The following OSBPL10 variants were observed in gnomAD, a reference collection of about 807,000 sequenced individuals.
The protein encoded by OSBPL10 is oxysterol-binding protein-related protein 10.
OSBPL10 carries 49 observed loss-of-function variants against 81.7 expected under a neutral mutation model. That is an observed-to-expected ratio of 0.60 (90% CI 0.48 to 0.76). OSBPL10 has a LOEUF of 0.76. Among genes scored for constraint, OSBPL10 ranks in the 30% least tolerant of loss-of-function variants. OSBPL10 has a pLI of 0.00. For missense variants in OSBPL10, 923 were observed against 987.8 expected, an observed-to-expected ratio of 0.93 and a Z score of 0.88; for synonymous variants, 419 against 383.6, an observed-to-expected ratio of 1.09 and a Z score of -1.08.
intron 1 of OSBPL10, among the ~76,000 whole-genome samples, chr3:31,895,801 TG>T (rs975009489): frequency 6.6e-6 from 1 of 152,188 alleles, no homozygotes; most frequent in African/African-American, 2.4e-5. Flanking sequence ...AAAATTTACA[TG>T]AATGGGCAAG....
intron 4 of OSBPL10, among the ~76,000 whole-genome samples, chr3:31,799,499 A>G (rs951778495): frequency 6.6e-6 from 1 of 151,136 alleles, no homozygotes; most frequent in African/African-American, 2.4e-5. Context: ...TGGGCAAGTT[A>G]TTTAACCTCT....
intron 1 of OSBPL10, among the ~76,000 whole-genome samples, chr3:31,892,958 G>T (rs1188238289): frequency 6.6e-6 from 1 of 152,132 alleles, no homozygotes; most frequent in African/African-American, 2.4e-5. Flanking sequence ...CACAACTGCA[G>T]CAGAGACCAG....
At chr3:32,027,810 C>A (rs993064906) in intron 2 of OSBPL10, among the ~76,000 whole-genome samples, 45 of 152,104 alleles carry the variant, frequency 3.0e-4, no homozygotes, top group African/African-American at 1.1e-3. Context: ...GTGTTAGGGG[C>A]AGGGGTGTTC....
intron 4 of OSBPL10, among the ~76,000 whole-genome samples, chr3:31,752,072 C>G (rs1225015206): frequency 6.6e-6 from 1 of 152,120 alleles, no homozygotes; most frequent in African/African-American, 2.4e-5. Flanking sequence ...GCTGAATGCA[C>G]CAAAAATATC....
At chr3:32,057,559 C>A (rs920510741) in intron 1 of OSBPL10, among the ~76,000 whole-genome samples, 1 of 152,116 alleles carries the variant, frequency 6.6e-6, no homozygotes, top group Non-Finnish European at 1.5e-5. Flanking sequence ...AACAGGGCAG[C>A]AGGAAGAAGT....
intron 4 of OSBPL10, among the ~76,000 whole-genome samples, chr3:31,783,796 A>C (rs1698770247): frequency 2.9e-5 from 1 of 34,786 alleles, no homozygotes; most frequent in African/African-American, 1.2e-4. Flanking sequence ...GATTAAAAAA[A>C]AAAAAAAAAA....
intron 2 of OSBPL10, among the ~76,000 whole-genome samples, chr3:32,028,928 ACAC>A (rs1559551933): frequency 0.1 from 10,223 of 97,384 alleles, 851 homozygotes; most frequent in East Asian, 0.14. Context: ...GCTAGTCAGG[ACAC>A]ACACACACAC....
chr3:31,904,988 A>C (rs541286762), intron 1 of OSBPL10, among the ~76,000 whole-genome samples: 1 of 152,372 alleles, frequency 6.6e-6, no homozygotes, highest in African/African-American at 2.4e-5. Context: ...ATAAAACAAA[A>C]GTATAAGCAA....
chr3:32,019,346 A>G (rs536935954), intron 2 of OSBPL10, among the ~76,000 whole-genome samples: 1 of 152,222 alleles, frequency 6.6e-6, no homozygotes, highest in African/African-American at 2.4e-5. Context: ...CCCCATGAAA[A>G]AAAATAAGGC....
In OSBPL10 at chr3:32,030,822, AATG is replaced by A; in HGVS notation, n.298+15666_298+15668del. On this transcript the variant is annotated intron_variant and non_coding_transcript_variant, in intron 2 of 3. Coordinates refer to the OSBPL10 transcript ENST00000479173. Reference sequence around the variant, plus strand: ...CAACAGCAATTCCTTATCTCAAGGGAATGATAAGATTACATGAAATATTTTGAC... The same window carrying A: ...CAACAGCAATTCCTTATCTCAAGGGAATAAGATTACATGAAATATTTTGAC... 5 of 545,328 alleles carry A rather than the reference AATG, an allele frequency of 9.2e-6. No individual in the cohort carries two copies. In the South Asian group the frequency reaches 1.2e-4, roughly 13 times the overall value. The allele number at this position is 545,328 out of a possible 1,614,324, so 33.8% of individuals were successfully genotyped here.
intron 4 of OSBPL10, among the ~76,000 whole-genome samples, chr3:31,777,880 G>A (rs144942139): frequency 2.0e-5 from 3 of 152,370 alleles, no homozygotes; most frequent in African/African-American, 7.2e-5. Context: ...CTCAAGCCCA[G>A]GGAAGCCATG....
At chr3:31,961,267 A>G (rs982465940) in intron 1 of OSBPL10, among the ~76,000 whole-genome samples, 1 of 152,130 alleles carries the variant, frequency 6.6e-6, no homozygotes, top group African/African-American at 2.4e-5. Context: ...ACGAGTCACC[A>G]AACAAGAATG....
intron 1 of OSBPL10, among the ~76,000 whole-genome samples, chr3:31,910,617 C>G (rs1696547697): frequency 6.6e-6 from 1 of 151,338 alleles, no homozygotes; most frequent in South Asian, 2.1e-4. Context: ...GTCTGGGGGA[C>G]AGAGTGAGAC....
chr3:31,950,017 C>A (rs1187085870), intron 1 of OSBPL10, among the ~76,000 whole-genome samples: 1 of 151,900 alleles, frequency 6.6e-6, no homozygotes, highest in Non-Finnish European at 1.5e-5. Context: ...GGAAATCCTA[C>A]TTATGTAGGC....
intron 1 of OSBPL10, among the ~76,000 whole-genome samples, chr3:31,922,792 G>A (rs1162936242): frequency 3.9e-5 from 6 of 152,042 alleles, no homozygotes; most frequent in African/African-American, 1.2e-4. Flanking sequence ...ATGTGGCTCC[G>A]TCTTGCAGGG....
intron 5 of OSBPL10, among the ~76,000 whole-genome samples, chr3:31,738,397 A>G (rs1697253117): frequency 6.6e-6 from 1 of 152,172 alleles, no homozygotes; most frequent in African/African-American, 2.4e-5. Context: ...AAGGAAAAAA[A>G]AAAAAATCAG....
At chr3:31,994,491 AGGATGGATGGAT>A (rs200832488) in intron 2 of OSBPL10, among the ~76,000 whole-genome samples, 84 of 149,764 alleles carry the variant, frequency 5.6e-4, no homozygotes, top group Non-Finnish European at 8.6e-4. Context: ...AGGGAAAAAA[AGGATGGATGGAT>A]GGATGGATGG....
intron 1 of OSBPL10, among the ~76,000 whole-genome samples, chr3:32,062,057 G>T (rs1699755902): frequency 1.1e-5 from 1 of 87,234 alleles, no homozygotes; most frequent in Non-Finnish European, 3.1e-5. Flanking sequence ...TTTTTATAAG[G>T]TTCTCTTTAA....
At chr3:31,974,786 T>C (rs900291261) in intron 1 of OSBPL10, among the ~76,000 whole-genome samples, 13 of 152,340 alleles carry the variant, frequency 8.5e-5, no homozygotes, top group African/African-American at 2.9e-4. Flanking sequence ...TGTTTCTTAA[T>C]CTGGGTGTGT....
Sources: allele counts gnomAD v4.1 joint callset (sites outside exome capture counted in the v4.1 genomes callset), GRCh38; gene constraint gnomAD v4.1.1; transcripts MANE v1.5; gene names NCBI Gene and HGNC (gene_info 2026-07-23, HGNC 2026-07-21).